Variants in MMP17 observed in about 807,000 individuals in gnomAD.
The protein encoded by MMP17 is matrix metalloproteinase-17.
In MMP17, 54 loss-of-function variants were observed where a neutral mutation model predicts 49.1. The ratio of observed to expected loss-of-function variants is 1.10; its 90% confidence interval spans 0.88 to 1.38. The LOEUF (loss-of-function observed/expected upper bound fraction) is 1.38. Ranked by LOEUF, MMP17 falls within the 40% of genes most tolerant of loss-of-function variation. The pLI is 0.00. For missense variants in MMP17, 837 were observed against 853.7 expected (o/e 0.98, Z 0.24); for synonymous variants, 397 against 383.1 (o/e 1.04, Z -0.42).
At chr12:131,833,518 GC>G (rs1441256865) in intron 1 of MMP17, among the ~76,000 whole-genome samples, 1 of 152,240 alleles carries the variant, frequency 6.6e-6, no homozygotes, top group East Asian at 1.9e-4. Flanking sequence ...CCGAGGGTCA[GC>G]CCCCAGAGGA....
intron 5 of MMP17, among the ~76,000 whole-genome samples, chr12:131,843,453 C>T (rs1197663575): frequency 1.3e-5 from 2 of 151,950 alleles, no homozygotes; most frequent in Non-Finnish European, 2.9e-5. Flanking sequence ...CACCATGTTG[C>T]CCAGGCTGGT....
At chr12:131,837,669 G>A (rs888223109) in intron 1 of MMP17, among the ~76,000 whole-genome samples, 6 of 152,350 alleles carry the variant, frequency 3.9e-5, no homozygotes, top group East Asian at 1.9e-4. Context: ...TGTACAGGTC[G>A]TGCACGGCAC....
In MMP17 at chr12:131,846,671, G is replaced by A. The variant is rs570367694; in HGVS notation, c.1204+1222G>A. On this transcript the variant is annotated intron_variant, in intron 8 of 9. Coordinates refer to ENST00000360564, the MANE Select transcript of MMP17 (RefSeq NM_016155.7). This position sits in a 1 kb window ranked among gnomAD's most constrained non-coding sequence, Gnocchi z 4.6. Reference sequence around the variant, plus strand: ...ATTACAGATGTGAGCCACTGCACCCGGCCTGCCTAATCCCATCTTAACTCA... The same window carrying A: ...ATTACAGATGTGAGCCACTGCACCCAGCCTGCCTAATCCCATCTTAACTCA... 1.3e-5 allele frequency among the ~76,000 whole-genome samples: 2 copies of A among 152,076 alleles called. No homozygotes were observed. Among genetic ancestry groups the A allele is most frequent in the Admixed American group, 6.6e-5 (1 of 15,262 alleles).
Position 131,850,223 on chromosome 12 carries a change from G to A in MMP17, c.1462+164G>A, listed in dbSNP as rs915223146. On this transcript the variant is annotated intron_variant, in intron 9 of 9. Transcript: ENST00000360564. Reference sequence around the variant, plus strand: ...GCCTGGAGCTGCCGACCCTGCAGGCGTCCCCGAGTCGCTCCCCGAAGGCCT... The same window carrying A: ...GCCTGGAGCTGCCGACCCTGCAGGCATCCCCGAGTCGCTCCCCGAAGGCCT... Among the ~76,000 whole-genome samples the A allele has an allele frequency of 3.3e-5, 5 of 152,220 alleles. No individual in the cohort carries two copies. The East Asian group carries it at 7.7e-4, about 24-fold the overall frequency.
At chr12:131,844,479 C>A in intron 6 of MMP17, 1 of 274,894 alleles carries the variant, frequency 3.6e-6, no homozygotes, top group Non-Finnish European at 6.9e-6. Flanking sequence ...GGTGCCAGGG[C>A]TGGGCCCAAC....
chr12:131,828,911 G>T (rs1886651969), intron 1 of MMP17, among the ~76,000 whole-genome samples: 1 of 152,092 alleles, frequency 6.6e-6, no homozygotes, highest in Non-Finnish European at 1.5e-5. Context: ...GCAGCCGCAG[G>T]AGCCCGTGGA....
chr12:131,847,094 G>A (rs144887221), intron 8 of MMP17, among the ~76,000 whole-genome samples: 1,602 of 146,734 alleles, frequency 0.011, 15 homozygotes, highest in Non-Finnish European at 0.016. Context: ...CTGGGCGACA[G>A]AGCAAGACCT....
At chr12:131,847,882 T>C (rs1355658409) in intron 8 of MMP17, among the ~76,000 whole-genome samples, 4 of 152,098 alleles carry the variant, frequency 2.6e-5, no homozygotes, top group Non-Finnish European at 5.9e-5. Flanking sequence ...CTGCTCCCCC[T>C]CTGTCCCCTG....
chr12:131,840,351 G>A, intron 3 of MMP17: 1 of 525,346 alleles, frequency 1.9e-6, no homozygotes, highest in Non-Finnish European at 3.4e-6. Flanking sequence ...GGGGGTCTCA[G>A]CCTGCCTGGG....
chr12:131,847,721 C>G (rs1369452758), intron 8 of MMP17, among the ~76,000 whole-genome samples: 2 of 152,264 alleles, frequency 1.3e-5, no homozygotes, highest in African/African-American at 4.8e-5. Flanking sequence ...CCCCGAGCCG[C>G]CCTGCCTGGT....
intron 5 of MMP17, among the ~76,000 whole-genome samples, chr12:131,842,188 G>C (rs1887450472): frequency 6.6e-6 from 1 of 152,216 alleles, no homozygotes; most frequent in African/African-American, 2.4e-5. Flanking sequence ...GGAAACCCAA[G>C]AGTAGCCAAG....
Position 131,851,285 on chromosome 12 carries a change from G to C in MMP17, c.*11G>C. 1 of 1,391,682 alleles carries C rather than the reference G, an allele frequency of 7.2e-7. No individual in the cohort carries two copies. Among genetic ancestry groups the C allele is most frequent in the Non-Finnish European group, 9.4e-7 (1 of 1,069,184 alleles). 86.2% of individuals were successfully genotyped at this position (1,391,682 alleles called of 1,614,324 possible). A position where few individuals can be genotyped will look rare whatever the true frequency, so the allele number is the denominator to read the frequency against. On this transcript the variant is annotated 3_prime_UTR_variant, in exon 10 of 10. Transcript: ENST00000360564. ...GCCCTGACGCTATGACACACAGCGC[G>C]AGCCCATGAGAGGACAGAGGCGGTG...
chr12:131,839,664 A>G (rs919002620), intron 3 of MMP17, among the ~76,000 whole-genome samples: 4 of 151,742 alleles, frequency 2.6e-5, no homozygotes. Flanking sequence ...TACTAGAGAC[A>G]GGGCTGGGCA....
Position 131,828,420 on chromosome 12 carries a change from G to A in MMP17, c.-75G>A, listed in dbSNP as rs1022019556. The A allele has an allele frequency of 6.1e-4, 529 of 865,438 alleles. No homozygotes were observed. Among genetic ancestry groups the A allele is most frequent in the Non-Finnish European group, 6.8e-4 (493 of 720,618 alleles). The allele number at this position is 865,438 out of a possible 1,614,324, so 53.6% of individuals were successfully genotyped here. On this transcript the variant is annotated 5_prime_UTR_variant, in exon 1 of 10. Transcript: ENST00000360564. ...TCCGGCGGGGGCGCCGCGGAGAGCG[G>A]AGGGCGCCGGGCTGCGGAACGCGAA...
chr12:131,845,185 G>A lies in MMP17; in HGVS notation c.1036G>A (p.Ala346Thr), dbSNP rs767018106. 5.5e-5 allele frequency: 89 copies of A among 1,613,954 alleles called. No individual in the cohort carries two copies. Among genetic ancestry groups the A allele is most frequent in the Non-Finnish European group, 6.9e-5 (82 of 1,179,962 alleles). ...CGCGGTGGCCCAGATCCGGGGTGAA[G>A]CTTTCTTCTTCAAAGGTACCTCCAG... ...FDAVAQIRGE[A>T]FFFKGKYFWR... The change falls in exon 7 of 10, where the codon GCT becomes ACT. Residue 346 changes from alanine (A) to threonine (T), a missense_variant. Coordinates refer to ENST00000360564, the MANE Select transcript of MMP17 (RefSeq NM_016155.7).
chr12:131,844,825 T>C, intron 6 of MMP17: 1 of 421,334 alleles, frequency 2.4e-6, no homozygotes, highest in Non-Finnish European at 4.4e-6. Flanking sequence ...CGTGGGTGTT[T>C]GGCACCCAGC....
chr12:131,848,124 C>T (rs1887798151), intron 8 of MMP17, among the ~76,000 whole-genome samples: 1 of 152,110 alleles, frequency 6.6e-6, no homozygotes, highest in South Asian at 2.1e-4. Context: ...CTCACTCTAT[C>T]ACCCAGGCTG....
intron 8 of MMP17, among the ~76,000 whole-genome samples, chr12:131,848,198 G>T (rs1032345093): frequency 6.6e-6 from 1 of 152,108 alleles, no homozygotes; most frequent in African/African-American, 2.4e-5. Flanking sequence ...CAGTTCTCCT[G>T]CCTTAGGCTC....
intron 1 of MMP17, among the ~76,000 whole-genome samples, chr12:131,829,677 G>A (rs973767344): frequency 5.4e-4 from 82 of 152,358 alleles, no homozygotes; most frequent in African/African-American, 1.9e-3. Flanking sequence ...ACATTCAGGA[G>A]CTCCAAAACC....
Sources: gnomAD v4.1 joint callset for allele counts (sites outside exome capture counted in the v4.1 genomes callset) on GRCh38, gnomAD v4.1.1 for gene constraint, Gnocchi (gnomAD v3.1) non-coding constraint, MANE v1.5 for transcripts, NCBI Gene and HGNC (gene_info 2026-07-23, HGNC 2026-07-21) for gene names.